The following ADAMTS19 variants were observed in gnomAD, a reference collection of about 807,000 sequenced individuals.
The protein encoded by ADAMTS19 is ADAM metallopeptidase with thrombospondin type 1 motif 19, also known as A disintegrin and metalloproteinase with thrombospondin motifs 19.
Under a neutral mutation model 153.3 loss-of-function variants are expected in ADAMTS19, and 93 were observed. That is an observed-to-expected ratio of 0.61 (90% CI 0.51 to 0.72). The LOEUF is 0.72. Ranked by LOEUF, ADAMTS19 falls within the 30% of genes least tolerant of loss-of-function variation. The pLI, the probability that ADAMTS19 is intolerant of heterozygous loss-of-function variation, is 0.00. For missense variants in ADAMTS19, 1,482 were observed against 1,552.1 expected, an observed-to-expected ratio of 0.95 and a Z score of 0.76; for synonymous variants, 600 against 556.6, an observed-to-expected ratio of 1.08 and a Z score of -1.10.
At chr5:129,632,304 T>C (rs192252610) in intron 10 of ADAMTS19, among the ~76,000 whole-genome samples, 17 of 152,144 alleles carry the variant, frequency 1.1e-4, no homozygotes, top group African/African-American at 4.1e-4. Flanking sequence ...CCACATATGT[T>C]CATTTAGACT....
At position 129,737,595 on chromosome 5, in the gene ADAMTS19, T is replaced by G. The variant is rs117248971; in HGVS notation, c.*377T>G. ...CAGAATGTATACTGACTTAGCATAA[T>G]AGTTTAGGTGTATATGAAGAGAAAC... is the stretch of plus-strand genomic sequence containing the variant. On this transcript the variant is annotated 3_prime_UTR_variant, in exon 23 of 23. Coordinates refer to ENST00000274487, the MANE Select transcript of ADAMTS19 (RefSeq NM_133638.6). 1 of 153,818 alleles carries G rather than the reference T, an allele frequency of 6.5e-6. No homozygotes were observed. Among genetic ancestry groups the G allele is most frequent in the East Asian group, 1.9e-4 (1 of 5,206 alleles). 9.5% of individuals were successfully genotyped at this position (153,818 alleles called of 1,614,324 possible). A position where few individuals can be genotyped will look rare whatever the true frequency, so the allele number is the denominator to read the frequency against.
intron 7 of ADAMTS19, among the ~76,000 whole-genome samples, chr5:129,586,664 T>C (rs2126897634): frequency 6.6e-6 from 1 of 152,324 alleles, no homozygotes; most frequent in South Asian, 2.1e-4. Context: ...TTTAGGTAAA[T>C]ACTAACTAGT....
intron 8 of ADAMTS19, among the ~76,000 whole-genome samples, chr5:129,611,147 C>G (rs1751193795): frequency 6.6e-6 from 1 of 151,104 alleles, no homozygotes; most frequent in Admixed American, 6.6e-5. Context: ...TTGCTTTTCT[C>G]TTGTAAATTT....
At chr5:129,552,261 TA>T (rs142135655) in intron 7 of ADAMTS19, among the ~76,000 whole-genome samples, 6,027 of 151,924 alleles carry the variant, frequency 0.04, 362 homozygotes, top group African/African-American at 0.14. Context: ...GATAACAGAT[TA>T]TTTTTTGAGT....
At chr5:129,486,607 C>CA in intron 2 of ADAMTS19, among the ~76,000 whole-genome samples, 1 of 152,162 alleles carries the variant, frequency 6.6e-6, no homozygotes, top group African/African-American at 2.4e-5. Flanking sequence ...TGGACATTTA[C>CA]AAAAAACCCA....
chr5:129,492,506 A>AGTGTGTGTGTGTGT (rs148015134), intron 2 of ADAMTS19, among the ~76,000 whole-genome samples: 1,593 of 146,434 alleles, frequency 0.011, 14 homozygotes, highest in African/African-American at 0.029. Flanking sequence ...ATTAAAGGTC[A>AGTGTGTGTGTGTGT]GTGTGTGTGT....
chr5:129,508,646 A>AT (rs1313982781), intron 2 of ADAMTS19, among the ~76,000 whole-genome samples: 1 of 152,026 alleles, frequency 6.6e-6, no homozygotes, highest in Admixed American at 6.6e-5. Flanking sequence ...TGTCTCTTGC[A>AT]TTTGTCTTAA....
chr5:129,476,462 G>GCAAA (rs1034821936), intron 2 of ADAMTS19, among the ~76,000 whole-genome samples: 3 of 151,938 alleles, frequency 2.0e-5, no homozygotes, highest in Admixed American at 2.0e-4. Context: ...TTCAAATCAA[G>GCAAA]CAAACAAATA....
chr5:129,489,545 C>CA (rs147082575), intron 2 of ADAMTS19, among the ~76,000 whole-genome samples: 2 of 151,950 alleles, frequency 1.3e-5, no homozygotes, highest in Non-Finnish European at 2.9e-5. Flanking sequence ...CAAAACAAAA[C>CA]AAAAAACTGC....
At chr5:129,537,040 C>G (rs1752460376) in intron 6 of ADAMTS19, among the ~76,000 whole-genome samples, 1 of 150,586 alleles carries the variant, frequency 6.6e-6, no homozygotes, top group Admixed American at 6.6e-5. Flanking sequence ...GCACATGTAC[C>G]CTAAAACTTA....
chr5:129,664,558 T>C (rs1753953620), intron 15 of ADAMTS19, among the ~76,000 whole-genome samples: 1 of 152,084 alleles, frequency 6.6e-6, no homozygotes, highest in African/African-American at 2.4e-5. Context: ...GGGTATATGC[T>C]ACCTTTTGGT....
chr5:129,557,563 C>G (rs1753358556), intron 7 of ADAMTS19, among the ~76,000 whole-genome samples: 1 of 152,110 alleles, frequency 6.6e-6, no homozygotes, highest in African/African-American at 2.4e-5. Flanking sequence ...GGTGGCACTG[C>G]ACTCCAGCCT....
intron 4 of ADAMTS19, among the ~76,000 whole-genome samples, chr5:129,526,774 ATGTC>A (rs1487986406): frequency 4.6e-5 from 7 of 151,200 alleles, no homozygotes; most frequent in African/African-American, 9.7e-5. Flanking sequence ...GTATGTATTT[ATGTC>A]TGTCTGTATG....
chr5:129,598,288 G>A (rs906480726), intron 8 of ADAMTS19, among the ~76,000 whole-genome samples: 13 of 152,186 alleles, frequency 8.5e-5, no homozygotes, highest in Admixed American at 5.2e-4. Context: ...ATCAGAGGCC[G>A]CAACACCCTA....
Position 129,621,698 on chromosome 5 carries a change from C to T in ADAMTS19, c.1620-500C>T, listed in dbSNP as rs189961741. Among the ~76,000 whole-genome samples, 282 of 152,256 alleles carry T rather than the reference C, an allele frequency of 1.9e-3. 1 individual carries two copies. The highest frequency in any genetic ancestry group is 2.6e-3 in the Admixed American group (40 of 15,286). Reference sequence around the variant, plus strand: ...GGCTGCCTTCACATGAATCAGGACTCCTATGACATCAAATACCACTTTAAA... The same window carrying T: ...GGCTGCCTTCACATGAATCAGGACTTCTATGACATCAAATACCACTTTAAA... On this transcript the variant is annotated intron_variant, in intron 9 of 22. Transcript: ENST00000274487.
At chr5:129,552,165 TACAC>T (rs1371987692) in intron 7 of ADAMTS19, among the ~76,000 whole-genome samples, 4 of 152,046 alleles carry the variant, frequency 2.6e-5, no homozygotes. Flanking sequence ...TTCTCAGAGA[TACAC>T]ACATGGGTTC....
At chr5:129,573,227 A>AT (rs1458053175) in intron 7 of ADAMTS19, among the ~76,000 whole-genome samples, 1 of 151,978 alleles carries the variant, frequency 6.6e-6, no homozygotes, top group Non-Finnish European at 1.5e-5. Flanking sequence ...TAGGACCAAT[A>AT]TTTTTTGCAG....
chr5:129,520,386 C>T (rs754248902), intron 3 of ADAMTS19, among the ~76,000 whole-genome samples: 4 of 152,198 alleles, frequency 2.6e-5, no homozygotes, highest in South Asian at 2.1e-4. Flanking sequence ...AGTTTCTTCA[C>T]GTTAATTCCA....
At chr5:129,723,784 G>A (rs1757097606) in intron 21 of ADAMTS19, among the ~76,000 whole-genome samples, 1 of 152,160 alleles carries the variant, frequency 6.6e-6, no homozygotes, top group Non-Finnish European at 1.5e-5. Flanking sequence ...GGGAAATTCT[G>A]AGAACGTGTA....
Sources: gnomAD v4.1 joint callset for allele counts (sites outside exome capture counted in the v4.1 genomes callset) on GRCh38, gnomAD v4.1.1 for gene constraint, MANE v1.5 for transcripts, NCBI Gene and HGNC (gene_info 2026-07-23, HGNC 2026-07-21) for gene names.